The following ANOS1 variants were observed in gnomAD, a reference collection of about 807,000 sequenced individuals.
ANOS1 encodes the protein anosmin 1.
A neutral mutation model predicts 59.0 loss-of-function variants in ANOS1; 6 were observed. The ratio of observed to expected loss-of-function variants is 0.10; its 90% confidence interval spans 0.06 to 0.20. The LOEUF is 0.20. Ranked by LOEUF, ANOS1 falls within the 10% of genes least tolerant of loss-of-function variation. The pLI, the probability that ANOS1 is intolerant of heterozygous loss-of-function variation, is 1.00. For synonymous variants in ANOS1, 217 were observed against 223.4 expected (o/e 0.97, Z 0.25); for missense variants, 433 against 542.3 (o/e 0.80, Z 2.00).
intron 12 of ANOS1, among the ~76,000 whole-genome samples, chrX:8,534,846 T>C (rs1929563222): frequency 8.9e-6 from 1 of 112,152 alleles, no homozygotes; most frequent in Admixed American, 9.5e-5. Context: ...TTTCAGTGAA[T>C]GAGCCAACTG....
intron 2 of ANOS1, among the ~76,000 whole-genome samples, chrX:8,656,379 A>G (rs1377834547): frequency 9.0e-6 from 1 of 111,564 alleles, no homozygotes; most frequent in African/African-American, 3.3e-5. Flanking sequence ...TCTTGTCAAT[A>G]CCATGGGGAC....
At chrX:8,622,316 G>A (rs113636429) in intron 3 of ANOS1, among the ~76,000 whole-genome samples, 1,890 of 111,947 alleles carry the variant, frequency 0.017, 44 homozygotes, top group African/African-American at 0.058. Flanking sequence ...AACTACAGGA[G>A]TATGGGAAAG....
chrX:8,663,106 C>G (rs1932068679), intron 2 of ANOS1, among the ~76,000 whole-genome samples: 2 of 111,499 alleles, frequency 1.8e-5, no homozygotes, highest in African/African-American at 6.5e-5. Context: ...AAGCCTGGAA[C>G]TCATCCCTCC....
At chrX:8,604,912 A>G (rs1930911701) in intron 3 of ANOS1, among the ~76,000 whole-genome samples, 1 of 112,891 alleles carries the variant, frequency 8.9e-6, no homozygotes, top group East Asian at 2.8e-4. Context: ...TTTTCACTAT[A>G]TTAAAAAGCA....
intron 3 of ANOS1, among the ~76,000 whole-genome samples, chrX:8,601,198 A>G (rs1429808295): frequency 9.4e-6 from 1 of 106,417 alleles, no homozygotes. Context: ...TGTCTCAAAA[A>G]AAAAAAAAAA....
At chrX:8,557,553 G>A (rs1220171393) in intron 8 of ANOS1, among the ~76,000 whole-genome samples, 1 of 112,046 alleles carries the variant, frequency 8.9e-6, no homozygotes, top group African/African-American at 3.2e-5. Flanking sequence ...ACATTTATGC[G>A]GCCAATAAAC....
intron 4 of ANOS1, 73 bp downstream of exon 4, chrX:8,596,961 A>T: frequency 8.3e-7 from 1 of 1,200,006 alleles, no homozygotes; most frequent in Non-Finnish European, 1.1e-6. Context: ...CCTATGATGG[A>T]CACCCTTCCC....
intron 2 of ANOS1, among the ~76,000 whole-genome samples, chrX:8,666,826 C>T (rs772286892): frequency 1.3e-4 from 15 of 111,658 alleles, no homozygotes; most frequent in Admixed American, 2.9e-4. Context: ...CAGGCTTCTT[C>T]ATAACTGGAA....
intron 3 of ANOS1, among the ~76,000 whole-genome samples, chrX:8,619,332 A>G (rs189946912): frequency 0.023 from 2,529 of 111,194 alleles, 35 homozygotes; most frequent in Non-Finnish European, 0.033. Context: ...TTGGCCGGGC[A>G]AGGTGGCTCA....
chrX:8,676,795 C>G (rs1932343966), intron 2 of ANOS1, among the ~76,000 whole-genome samples: 1 of 111,781 alleles, frequency 8.9e-6, no homozygotes, highest in Admixed American at 9.5e-5. Flanking sequence ...TATGACAAAC[C>G]ATTTGTCGAT....
chrX:8,674,979 A>C (rs997034324), intron 2 of ANOS1, among the ~76,000 whole-genome samples: 1 of 111,487 alleles, frequency 9.0e-6, no homozygotes, highest in Non-Finnish European at 1.9e-5. Context: ...CTTTCCACAC[A>C]ATCAACCTCA....
At chrX:8,730,784 A>G (rs971667321) in intron 1 of ANOS1, among the ~76,000 whole-genome samples, 83 of 111,493 alleles carry the variant, frequency 7.4e-4, no homozygotes, top group African/African-American at 2.6e-3. Context: ...CGAGAAGAAG[A>G]AGGAGAGAAG....
chrX:8,554,230 A>G lies in ANOS1; in HGVS notation c.1208-132T>C, dbSNP rs984571986. 83 of 537,089 alleles carry G rather than the reference A, an allele frequency of 1.5e-4. No individual in the cohort carries two copies. The Admixed American group carries it at 1.9e-3, about 12-fold the overall frequency. 44.3% of individuals were successfully genotyped at this position (537,089 alleles called of 1,213,427 possible). On this transcript the variant is annotated intron_variant, in intron 8 of 13. Transcript: ENST00000262648. ...AACACAGAAGGCGGGTGATTTCTCT[A>G]TTTCCAACGGAGGTACCGGCTCATC... is the stretch of plus-strand genomic sequence containing the variant.
intron 3 of ANOS1, among the ~76,000 whole-genome samples, chrX:8,598,819 C>T (rs1480093766): frequency 8.9e-6 from 1 of 112,330 alleles, no homozygotes; most frequent in Non-Finnish European, 1.9e-5. Flanking sequence ...AATGCATTTT[C>T]ACCTGGAATG....
Position 8,732,002 on chromosome X carries a change from AG to A in ANOS1, c.34del (p.Leu12SerfsTer43). On this transcript the variant is annotated frameshift_variant, in exon 1 of 14. Coordinates refer to ENST00000262648, the MANE Select transcript of ANOS1 (RefSeq NM_000216.4). LOFTEE classifies it high-confidence loss of function. ...GCTGGAGGCCGCCAGCCAGAGGCAG[AG>A]GGTCAGGACCGCGCCGGGCACCCCG... is the stretch of plus-strand genomic sequence containing the variant. ...VPGVPGAVLT[L>X]CLWLAASSGC... 1 of 1,092,263 alleles carries A rather than the reference AG, an allele frequency of 9.2e-7. No homozygotes were observed. Among genetic ancestry groups the A allele is most frequent in the Non-Finnish European group, 1.2e-6 (1 of 840,730 alleles). 90.0% of individuals were successfully genotyped at this position (1,092,263 alleles called of 1,213,427 possible). A position where few individuals can be genotyped will look rare whatever the true frequency, so the allele number is the denominator to read the frequency against.
Position 8,664,843 on chromosome X carries a change from C to T in ANOS1, c.255+34855G>A, listed in dbSNP as rs775875853. ...TCTGCCTCCATCACAGGCTCTTCTG[C>T]ATTCTTTCTCTAGCACCATTTCTCT... On this transcript the variant is annotated intron_variant, in intron 2 of 13. Transcript: ENST00000262648. 1.1e-3 allele frequency among the ~76,000 whole-genome samples: 120 copies of T among 111,760 alleles called. 1 individual carries two copies. The highest frequency in any genetic ancestry group is 3.8e-3 in the African/African-American group (118 of 30,756).
chrX:8,587,387 G>A (rs1287047256), intron 5 of ANOS1, among the ~76,000 whole-genome samples: 3 of 111,217 alleles, frequency 2.7e-5, no homozygotes, highest in African/African-American at 9.8e-5. Flanking sequence ...GTCTGTGGGT[G>A]GAATAAAGGT....
At position 8,531,585 on chromosome X, in the gene ANOS1, C is replaced by A. The variant is rs1053652774; in HGVS notation, c.*1410G>T. The A allele has an allele frequency of 9.0e-6, 1 of 111,543 alleles. No individual in the cohort carries two copies. 9.2% of individuals were successfully genotyped at this position (111,543 alleles called of 1,213,427 possible). Reference sequence around the variant, plus strand: ...TGGGGAAAATATATTATCCTTATGACCTTTAAAAGAGCTGTATCTTTACTC... The same window carrying A: ...TGGGGAAAATATATTATCCTTATGAACTTTAAAAGAGCTGTATCTTTACTC... On this transcript the variant is annotated 3_prime_UTR_variant, in exon 14 of 14. Coordinates refer to ENST00000262648, the MANE Select transcript of ANOS1 (RefSeq NM_000216.4).
chrX:8,638,017 T>C (rs1017622142), intron 2 of ANOS1, among the ~76,000 whole-genome samples: 11 of 111,933 alleles, frequency 9.8e-5, no homozygotes, highest in African/African-American at 3.6e-4. Context: ...GGGATGGCCC[T>C]TGACTCTCAC....
Sources: gnomAD v4.1 joint callset for allele counts (sites outside exome capture counted in the v4.1 genomes callset) on GRCh38, gnomAD v4.1.1 for gene constraint, MANE v1.5 for transcripts, NCBI Gene and HGNC (gene_info 2026-07-23, HGNC 2026-07-21) for gene names.